The following KIF7 variants were observed in gnomAD, a reference collection of about 807,000 sequenced individuals.
The protein encoded by KIF7 is kinesin-like protein KIF7.
Under a neutral mutation model 135.7 loss-of-function variants are expected in KIF7, and 104 were observed. That is an observed-to-expected ratio of 0.77 (90% CI 0.65 to 0.90). The LOEUF (loss-of-function observed/expected upper bound fraction) is 0.90. Among genes scored for constraint, KIF7 ranks in the 40% least tolerant of loss-of-function variants. The pLI is 0.00. For missense variants in KIF7, 2,005 were observed against 1,839.1 expected, an observed-to-expected ratio of 1.09 and a Z score of -1.65; for synonymous variants, 883 against 809.4, an observed-to-expected ratio of 1.09 and a Z score of -1.54.
chr15:89,620,080 A>G (rs906979348), intron 1 of KIF7, among the ~76,000 whole-genome samples: 4 of 152,216 alleles, frequency 2.6e-5, no homozygotes, highest in African/African-American at 9.6e-5. Flanking sequence ...TCATTCATTC[A>G]AGAGGAAGCT....
At position 89,629,415 on chromosome 15, in the gene KIF7, C is replaced by T. The variant is rs886192389; in HGVS notation, c.3477G>A (p.Glu1159=). The change falls in exon 17 of 19, where the codon GAG becomes GAA. Residue 1159 remains glutamate (E), a synonymous_variant. Transcript: ENST00000394412. ...MDRQLTLQQK[E]HEQNMQLLLQ... Reference sequence around the variant, plus strand: ...GGAGCAGCTGCATGTTCTGCTCGTGCTCCTTCTGCTGCAGGGTCAGCTGGC... The same window carrying T: ...GGAGCAGCTGCATGTTCTGCTCGTGTTCCTTCTGCTGCAGGGTCAGCTGGC... 26 of 1,606,570 alleles carry T rather than the reference C, an allele frequency of 1.6e-5. No homozygotes were observed. The highest frequency in any genetic ancestry group is 2.1e-5 in the Non-Finnish European group (25 of 1,179,580).
In KIF7 at chr15:89,630,506, G is replaced by C. The variant is rs573225695; in HGVS notation, c.3112-13C>G. 6.5e-7 allele frequency: 1 copy of C among 1,545,680 alleles called. No homozygotes were observed. The highest frequency in any genetic ancestry group is 8.7e-7 in the Non-Finnish European group (1 of 1,144,434). On this transcript the variant is annotated splice_polypyrimidine_tract_variant and intron_variant, in intron 15 of 18. Coordinates refer to ENST00000394412, the MANE Select transcript of KIF7 (RefSeq NM_198525.3). ...GCGTCCGCTCCTCCTGCAGAGACGG[G>C]CACGCGTGGAGGAACAGCACCCACT...
At chr15:89,643,940 T>C (rs1211775049) in intron 10 of KIF7, among the ~76,000 whole-genome samples, 1 of 149,068 alleles carries the variant, frequency 6.7e-6, no homozygotes, top group African/African-American at 2.5e-5. Flanking sequence ...CTGATGGTAT[T>C]ACAGTTAAGT....
intron 16 of KIF7, 62 bp downstream of exon 16, chr15:89,630,225 T>C (rs775530686): frequency 4.0e-6 from 6 of 1,499,306 alleles, no homozygotes; most frequent in Non-Finnish European, 5.6e-6. Flanking sequence ...GCAGCTGCCA[T>C]GAGACACCTC....
rs761421026 is a variant in KIF7, at chr15:89,628,581, G to C, written c.3870C>G (p.Pro1290=). Residue 1290 remains proline, a synonymous_variant, in exon 19 of 19, where the codon CCC becomes CCG. Coordinates refer to ENST00000394412, the MANE Select transcript of KIF7 (RefSeq NM_198525.3). ...SSLCGEEQGS[P]EELRQREAAE... The stretch of plus-strand genomic sequence containing the variant: ...CCGCCTCCCGCTGCCTCAGTTCCTC[G>C]GGGGACCCCTGCTCCTCACCACACA... 4.5e-5 allele frequency: 73 copies of C among 1,613,358 alleles called. No individual in the cohort carries two copies. The East Asian group carries it at 1.4e-3, about 31-fold the overall frequency.
chr15:89,634,164 T>G (rs1455776294), intron 11 of KIF7, among the ~76,000 whole-genome samples: 4 of 152,150 alleles, frequency 2.6e-5, no homozygotes, highest in African/African-American at 9.7e-5. Flanking sequence ...CTGGGTTTGG[T>G]GGTGGGTGCC....
At chr15:89,647,829 G>C in intron 5 of KIF7, 117 bp from the exon 6 acceptor site, 1 of 859,394 alleles carries the variant, frequency 1.2e-6, no homozygotes, top group African/African-American at 1.7e-5. Flanking sequence ...CCTGCAGTGG[G>C]AACTCCAGAC....
At chr15:89,638,715 C>G (rs1175685926) in intron 11 of KIF7, among the ~76,000 whole-genome samples, 26 of 151,466 alleles carry the variant, frequency 1.7e-4, no homozygotes, top group Admixed American at 1.1e-3. Context: ...AATGGCCATA[C>G]TGCCCAAGGT....
chr15:89,648,693 C>T lies in KIF7; in HGVS notation c.1005G>A (p.Glu335=). 6.5e-7 allele frequency: 1 copy of T among 1,536,064 alleles called. No homozygotes were observed. The highest frequency in any genetic ancestry group is 1.2e-5 in the South Asian group (1 of 84,058). The change falls in exon 5 of 19, where the codon GAG becomes GAA. Residue 335 remains glutamate, a synonymous_variant. Transcript: ENST00000394412. ...CVSPSSSDFD[E]TLNTLNYASR... is the part of the protein sequence containing the mutation. ...TGGCGTAGTTGAGGGTGTTGAGGGT[C>T]TCGTCGAAGTCGGAGGAGGAAGGGC... is the stretch of plus-strand genomic sequence containing the variant.
At chr15:89,626,073 T>C (rs1233510365), downstream of KIF7, 5 of 1,613,280 alleles carry the variant, frequency 3.1e-6, no homozygotes, top group African/African-American at 6.7e-5. Flanking sequence ...TAATGTTTGT[T>C]GAAGGTCTAG....
chr15:89,646,870 C>T lies in KIF7; in HGVS notation c.1748G>A (p.Cys583Tyr). The change falls in exon 7 of 19, where the codon TGC becomes TAC. Residue 583 changes from cysteine to tyrosine, a missense_variant. By Grantham distance (194) the Cys-to-Tyr change is radical. Transcript: ENST00000394412. ...AGAGCCAACTTCATCTCCAGGGAGG[C>T]AGGCAGGCGGCACCATGCCCAGCAC... ...AHVLGMVPPA[C>Y]LPGDEVGSEQ... 6.2e-7 allele frequency: 1 copy of T among 1,614,144 alleles called. No individual in the cohort carries two copies. Among genetic ancestry groups the T allele is most frequent in the Non-Finnish European group, 8.5e-7 (1 of 1,180,042 alleles).
At chr15:89,658,218 AAGT>A, upstream of KIF7, among the ~76,000 whole-genome samples, 2 of 152,176 alleles carry the variant, frequency 1.3e-5, no homozygotes, top group South Asian at 2.1e-4. Context: ...TGGGAGGCTG[AAGT>A]GGGAGGATAG....
Position 89,633,827 on chromosome 15 carries a change from A to G in KIF7, c.2451T>C (p.Ser817=), listed in dbSNP as rs200055380. ...GCTCGAGCTCCTGCAGTCGCTTCTC[A>G]CTCTGGGCCGACAGTGACACCAGCC... ...TERLVSLSAQ[S]EKRLQELERN... is the part of the protein sequence containing the mutation. Residue 817 remains serine, a synonymous_variant, in exon 12 of 19, where the codon AGT becomes AGC. Coordinates refer to ENST00000394412, the MANE Select transcript of KIF7 (RefSeq NM_198525.3). 13 of 1,613,090 alleles carry G rather than the reference A, an allele frequency of 8.1e-6. No individual in the cohort carries two copies. In the Admixed American group the frequency reaches 2.2e-4, roughly 27 times the overall value.
At chr15:89,627,172 C>G, downstream of KIF7, 1 of 1,541,438 alleles carries the variant, frequency 6.5e-7, no homozygotes, top group South Asian at 1.1e-5. Flanking sequence ...TCCCAAGCCT[C>G]TTTTGCCATG....
chr15:89,656,112 T>C (rs2142041986), upstream of KIF7, among the ~76,000 whole-genome samples: 1 of 152,350 alleles, frequency 6.6e-6, no homozygotes, highest in East Asian at 1.9e-4. Context: ...AGTGAAATTT[T>C]ATTATGTATA....
the KIF7 span, among the ~76,000 whole-genome samples, chr15:89,662,293 T>C: frequency 1.1e-4 from 17 of 151,810 alleles, no homozygotes; most frequent in Non-Finnish European, 2.9e-5. Flanking sequence ...AGTCAGGAGT[T>C]CGAGACCAGC....
At position 89,630,089 on chromosome 15, in the gene KIF7, G is replaced by T. The variant is rs80185307; in HGVS notation, c.3318+198C>A. On this transcript the variant is annotated intron_variant, in intron 16 of 18. Coordinates refer to ENST00000394412, the MANE Select transcript of KIF7 (RefSeq NM_198525.3). ...GAGGTTAGCCAATCAGAGCAGAAGTGGGGGGCGGGTAGGAAACTGGGTCTT... is the reference window on the plus strand; with the variant it reads ...GAGGTTAGCCAATCAGAGCAGAAGTTGGGGGCGGGTAGGAAACTGGGTCTT... 3.5e-3 allele frequency: 2,194 copies of T among 622,082 alleles called. 47 individuals are homozygous for T. The African/African-American group carries it at 0.036, about 10-fold the overall frequency. The allele number at this position is 622,082 out of a possible 1,614,324, so 38.5% of individuals were successfully genotyped here.
At chr15:89,626,083 G>C (rs1479496734), downstream of KIF7, 7 of 1,610,974 alleles carry the variant, frequency 4.3e-6, no homozygotes, top group Admixed American at 6.8e-5. Flanking sequence ...TGAAGGTCTA[G>C]GACCCTTTCC....
intron 12 of KIF7, among the ~76,000 whole-genome samples, 157 bp from the exon 13 acceptor site, chr15:89,633,423 G>A (rs776933411): frequency 5.9e-5 from 9 of 152,154 alleles, no homozygotes; most frequent in East Asian, 1.9e-4. Context: ...CCTGGAGACC[G>A]GCAAATAGAC....
Sources: allele counts gnomAD v4.1 joint callset (sites outside exome capture counted in the v4.1 genomes callset), GRCh38; gene constraint gnomAD v4.1.1; transcripts MANE v1.5; gene names NCBI Gene and HGNC (gene_info 2026-07-23, HGNC 2026-07-21).